ERBB3: variants seen among roughly 807,000 people sequenced by gnomAD.
ERBB3 encodes the protein receptor tyrosine-protein kinase erbB-3.
In ERBB3, 96 loss-of-function variants were observed where a neutral mutation model predicts 156.7. The ratio of observed to expected loss-of-function variants is 0.61; its 90% confidence interval spans 0.52 to 0.73. The LOEUF is 0.73. Ranked by LOEUF, ERBB3 falls within the 30% of genes least tolerant of loss-of-function variation. ERBB3 has a pLI of 0.00. For synonymous variants in ERBB3, 567 were observed against 632.0 expected, an observed-to-expected ratio of 0.90 and a Z score of 1.54; for missense variants, 1,406 against 1,709.4, an observed-to-expected ratio of 0.82 and a Z score of 3.13.
At chr12:56,086,405 T>C (rs1868488657) in intron 3 of ERBB3, 126 bp from the exon 4 acceptor site, 3 of 1,153,072 alleles carry the variant, frequency 2.6e-6, no homozygotes, top group Non-Finnish European at 3.9e-6. Flanking sequence ...TTAGATTTAA[T>C]TGGACCTATC....
rs113467802 is a variant in ERBB3 at position 56,100,731 on chromosome 12, G to C, written c.3202-330G>C. On this transcript the variant is annotated intron_variant, in intron 26 of 27. Transcript: ENST00000267101. ...CCGAGGTGGGCGGATCATGAGGTCA[G>C]GAGTTCGAGACCAGCCTGACCAACA... 1.6e-3 allele frequency among the ~76,000 whole-genome samples: 243 copies of C among 151,494 alleles called. 3 individuals are homozygous for C. The highest frequency in any genetic ancestry group is 5.6e-3 in the African/African-American group (232 of 41,258).
rs1869138950 is a variant in ERBB3, at chr12:56,102,271, G to GA, written c.*219dup. Reference sequence around the variant, plus strand: ...ACTTTCTTCTCTTTCCCAACCCCAGGAAAGGTTTTCCTTATTTTGTGTGCT... The same window carrying GA: ...ACTTTCTTCTCTTTCCCAACCCCAGGAAAAGGTTTTCCTTATTTTGTGTGCT... On this transcript the variant is annotated 3_prime_UTR_variant, in exon 28 of 28. Transcript: ENST00000267101. 7.0e-6 allele frequency: 4 copies of GA among 571,964 alleles called. No individual in the cohort carries two copies. Among genetic ancestry groups the GA allele is most frequent in the South Asian group, 6.3e-5 (3 of 47,924 alleles). 35.4% of individuals were successfully genotyped at this position (571,964 alleles called of 1,614,324 possible). A position where few individuals can be genotyped will look rare whatever the true frequency, so the allele number is the denominator to read the frequency against.
Position 56,086,524 on chromosome 12 carries a change from A to T in ERBB3, c.422-7A>T, listed in dbSNP as rs115311663. 1,802 of 1,613,872 alleles carry T rather than the reference A, an allele frequency of 1.1e-3. 20 individuals carry two copies. The African/African-American group carries it at 0.022, about 20-fold the overall frequency. ...CCTTAACCCTGTCACTTCTTTCCCT[A>T]CCTCAGAGATTCTGTCAGGGGGTGT... On this transcript the variant is annotated splice_region_variant and splice_polypyrimidine_tract_variant and intron_variant, in intron 3 of 27. Transcript: ENST00000267101.
In ERBB3 at chr12:56,099,959, A is replaced by G. The variant is rs1232213184; in HGVS notation, c.3059A>G (p.Asp1020Gly). Residue 1020 changes from aspartate to glycine, a missense_variant, in exon 25 of 28, where the codon GAC becomes GGC. By Grantham distance (94) the Asp-to-Gly change is moderately conservative. Transcript: ENST00000267101. ...DLDLDLEAEE[D>G]NLATTTLGSA... ...GACCTAGACTTGGAAGCAGAGGAGGACAACCTGGCAACCACCACACTGGGC... is the reference window on the plus strand; with the variant it reads ...GACCTAGACTTGGAAGCAGAGGAGGGCAACCTGGCAACCACCACACTGGGC... The G allele has an allele frequency of 6.2e-7, 1 of 1,614,250 alleles. No homozygotes were observed. Among genetic ancestry groups the G allele is most frequent in the South Asian group, 1.1e-5 (1 of 91,090 alleles).
chr12:56,096,959 G>C (rs1464053993), intron 19 of ERBB3, 86 bp from the exon 20 acceptor site: 6 of 1,448,710 alleles, frequency 4.1e-6, no homozygotes, highest in South Asian at 1.1e-5. Flanking sequence ...AGAATGTTGG[G>C]GGTGGGGGGG....
In ERBB3 at chr12:56,093,721, G is replaced by A. The variant is rs1461682051; in HGVS notation, c.1481-43G>A. 2.5e-6 allele frequency: 4 copies of A among 1,612,788 alleles called. No individual in the cohort carries two copies. In the Admixed American group the frequency reaches 6.7e-5, roughly 27 times the overall value. ...AGAATAATGAAGAGAGGGCTTGCTGGGAGTCCTCAGACTCCTCTCCTAACC... is the reference window on the plus strand; with the variant it reads ...AGAATAATGAAGAGAGGGCTTGCTGAGAGTCCTCAGACTCCTCTCCTAACC... On this transcript the variant is annotated intron_variant, in intron 12 of 27. Coordinates refer to ENST00000267101, the MANE Select transcript of ERBB3 (RefSeq NM_001982.4).
intron 1 of ERBB3, 44 bp downstream of exon 1, chr12:56,080,426 G>A (rs1868340281): frequency 6.9e-7 from 1 of 1,458,550 alleles, no homozygotes; most frequent in Non-Finnish European, 9.4e-7. Flanking sequence ...CCTGGGAGCC[G>A]GAACCCAGTG....
chr12:56,096,907 A>G (rs556288815), intron 19 of ERBB3, 61 bp downstream of exon 19: 2 of 1,393,862 alleles, frequency 1.4e-6, no homozygotes, highest in African/African-American at 2.9e-5. Flanking sequence ...ACAATCATGT[A>G]GAAGCAGGGT....
chr12:56,094,067 T>TGGGGG, intron 13 of ERBB3, 32 bp from the exon 14 acceptor site: 1 of 1,593,338 alleles, frequency 6.3e-7, no homozygotes, highest in Non-Finnish European at 8.6e-7. Flanking sequence ...GACTTGGAAG[T>TGGGGG]GACCCCCCCC....
chr12:56,094,660 A>C, intron 15 of ERBB3, 104 bp downstream of exon 15: 1 of 1,398,478 alleles, frequency 7.2e-7, no homozygotes, highest in East Asian at 2.5e-5. Context: ...TTCAAGAATC[A>C]CTCCCAGCTG....
chr12:56,080,120 C>G, upstream of ERBB3: 1 of 649,644 alleles, frequency 1.5e-6, no homozygotes, highest in Non-Finnish European at 2.8e-6. Context: ...ACACACACAC[C>G]CCTCCCCTGC....
chr12:56,094,951 C>CAAA (rs11425044), intron 15 of ERBB3, among the ~76,000 whole-genome samples: 2 of 139,788 alleles, frequency 1.4e-5, no homozygotes. Flanking sequence ...AACTCTGTCT[C>CAAA]AAAAAAAAAA....
chr12:56,087,854 C>G lies in ERBB3; in HGVS notation c.673C>G (p.Gln225Glu), dbSNP rs2136794077. The stretch of plus-strand genomic sequence containing the variant: ...TCACTGCTTTGGGCCCAACCCCAAC[C>G]AGTGCTGCCATGATGAGTGTGCCGG... ...NGHCFGPNPN[Q>E]CCHDECAGGC... Residue 225 changes from glutamine to glutamate, a missense_variant, in exon 6 of 28, where the codon CAG becomes GAG. This residue lies in a region of ERBB3 where 979 missense variants were observed against 1,219.6 expected (regional missense o/e 0.80). Transcript: ENST00000267101. The G allele has an allele frequency of 2.5e-6, 4 of 1,614,190 alleles. No homozygotes were observed. Among genetic ancestry groups the G allele is most frequent in the Non-Finnish European group, 2.5e-6 (3 of 1,180,034 alleles).
intron 26 of ERBB3, 146 bp downstream of exon 26, chr12:56,100,391 C>T (rs1417994623): frequency 1.4e-6 from 1 of 731,974 alleles, no homozygotes; most frequent in East Asian, 2.7e-5. Context: ...CCTGTAATCC[C>T]AGCACTTTGG....
At chr12:56,095,573 A>G in intron 16 of ERBB3, 92 bp from the exon 17 acceptor site, 1 of 1,466,820 alleles carries the variant, frequency 6.8e-7, no homozygotes, top group African/African-American at 1.4e-5. Context: ...TTCTTGCCCC[A>G]GGTCAGCATC....
rs182154425 is a variant in ERBB3, at chr12:56,097,181, G to T, written c.2411G>T (p.Gly804Val). The T allele has an allele frequency of 5.6e-6, 9 of 1,614,124 alleles. No homozygotes were observed. Among genetic ancestry groups the T allele is most frequent in the Non-Finnish European group, 7.6e-6 (9 of 1,180,026 alleles). Residue 804 changes from glycine (G) to valine (V), a missense_variant, in exon 20 of 28, where the codon GGG becomes GTG. Gly to Val is a moderately radical substitution (Grantham distance 109, BLOSUM62 -3). This residue lies in a region of ERBB3 where 979 missense variants were observed against 1,219.6 expected (regional missense o/e 0.80). Transcript: ENST00000267101. ...CTGGATCATGTGAGACAACACCGGG[G>T]GGCACTGGGGCCACAGCTGCTGCTC... is the stretch of plus-strand genomic sequence containing the variant. The part of the protein sequence containing the change: ...SLLDHVRQHR[G>V]ALGPQLLLNW...
In ERBB3 at chr12:56,097,012, G is replaced by C. The variant is rs1042405312; in HGVS notation, c.2275-33G>C. ...CATGCTGAGTGTATGTGAACCTGTT[G>C]GTTTCCTAGATAATACCTTTTGTGT... On this transcript the variant is annotated intron_variant, in intron 19 of 27. Transcript: ENST00000267101. The C allele has an allele frequency of 5.6e-6, 9 of 1,608,572 alleles. No individual in the cohort carries two copies. In the African/African-American group the frequency reaches 1.2e-4, roughly 22 times the overall value.
rs750546129 is a variant in ERBB3 at position 56,087,880 on chromosome 12, G to A, written c.699G>A (p.Gly233=). ...PNQCCHDECA[G]GCSGPQDTDC... is the part of the protein sequence containing the mutation. ...AGTGCTGCCATGATGAGTGTGCCGG[G>A]GGCTGCTCAGGCCCTCAGGACACAG... The change falls in exon 6 of 28, where the codon GGG becomes GGA. Residue 233 remains glycine (G), a synonymous_variant. Transcript: ENST00000267101. The A allele has an allele frequency of 1.6e-4, 259 of 1,614,046 alleles. No homozygotes were observed. Among genetic ancestry groups the A allele is most frequent in the Non-Finnish European group, 2.0e-4 (238 of 1,180,038 alleles).
intron 23 of ERBB3, among the ~76,000 whole-genome samples, chr12:56,099,445 C>T (rs1239556342): frequency 6.6e-6 from 1 of 150,928 alleles, no homozygotes; most frequent in Admixed American, 6.6e-5. Flanking sequence ...TAGGCGTGCA[C>T]CACCACGCCC....
Sources: allele counts gnomAD v4.1 joint callset (sites outside exome capture counted in the v4.1 genomes callset), GRCh38; gene constraint gnomAD v4.1.1; regional missense constraint gnomAD v4.1.1; transcripts MANE v1.5; gene names NCBI Gene and HGNC (gene_info 2026-07-23, HGNC 2026-07-21).